Variants in HNRNPLL observed in about 807,000 individuals in gnomAD.
HNRNPLL encodes heterogeneous nuclear ribonucleoprotein L-like.
Under a neutral mutation model 67.1 loss-of-function variants are expected in HNRNPLL, and 25 were observed. That is an observed-to-expected ratio of 0.37 (90% confidence interval 0.27 to 0.52). The LOEUF (loss-of-function observed/expected upper bound fraction) is 0.52. Among genes scored for constraint, HNRNPLL ranks in the 20% least tolerant of loss-of-function variants. The probability of loss-of-function intolerance (pLI) is 0.90; values close to 1 mark genes in which losing one functional copy is unlikely to be tolerated. For missense variants in HNRNPLL, 542 were observed against 673.9 expected, an observed-to-expected ratio of 0.80 and a Z score of 2.17; for synonymous variants, 267 against 241.7, an observed-to-expected ratio of 1.10 and a Z score of -0.97.
chr2:38,587,943 C>G (rs1666798231), intron 2 of HNRNPLL, among the ~76,000 whole-genome samples: 1 of 152,046 alleles, frequency 6.6e-6, no homozygotes, highest in South Asian at 2.1e-4. Flanking sequence ...TGTGTGACAC[C>G]TGCCCCTTTG....
chr2:38,585,662 C>A lies in HNRNPLL; in HGVS notation c.528G>T (p.Pro176=), dbSNP rs746282454. 2 of 1,597,954 alleles carry A rather than the reference C, an allele frequency of 1.3e-6. No homozygotes were observed. Among genetic ancestry groups the A allele is most frequent in the South Asian group, 1.1e-5 (1 of 90,732 alleles). Residue 176 remains proline (P), a synonymous_variant, in exon 3 of 13, where the codon CCG becomes CCT. Coordinates refer to ENST00000449105, the MANE Select transcript of HNRNPLL (RefSeq NM_138394.4). The part of the protein sequence containing the change: ...NKVLLLSIQN[P]LYPITVDVLY... ...CACATACCACTGTAATTGGATAAAGCGGATTCTGAATTGAGAGCAGAAGAA... is the reference window on the plus strand; with the variant it reads ...CACATACCACTGTAATTGGATAAAGAGGATTCTGAATTGAGAGCAGAAGAA...
intron 6 of HNRNPLL, among the ~76,000 whole-genome samples, chr2:38,578,171 C>T (rs1207616920): frequency 6.6e-6 from 1 of 151,944 alleles, no homozygotes; most frequent in Non-Finnish European, 1.5e-5. Flanking sequence ...CTATGAGCAA[C>T]CCCAAACTTT....
At chr2:38,593,214 T>C (rs561837438) in intron 1 of HNRNPLL, among the ~76,000 whole-genome samples, 1 of 152,238 alleles carries the variant, frequency 6.6e-6, no homozygotes, top group Non-Finnish European at 1.5e-5. Context: ...ATTCTGACTA[T>C]ACCCTAAGTA....
intron 6 of HNRNPLL, among the ~76,000 whole-genome samples, chr2:38,580,072 G>C (rs921452219): frequency 6.6e-6 from 1 of 151,956 alleles, no homozygotes; most frequent in South Asian, 2.1e-4. Flanking sequence ...TAAAAGAATA[G>C]ATGTAAACAC....
chr2:38,574,727 C>G (rs1666233202), intron 7 of HNRNPLL, among the ~76,000 whole-genome samples: 2 of 151,816 alleles, frequency 1.3e-5, no homozygotes, highest in South Asian at 4.1e-4. Flanking sequence ...AATACTTTAT[C>G]AATGTATCAT....
intron 6 of HNRNPLL, 45 bp from the exon 7 acceptor site, chr2:38,577,577 T>C: frequency 8.4e-7 from 1 of 1,197,292 alleles, no homozygotes; most frequent in Non-Finnish European, 1.2e-6. Flanking sequence ...TTGACCCAAG[T>C]ACTTAATGGA....
chr2:38,598,820 T>G (rs1667312078), intron 1 of HNRNPLL, among the ~76,000 whole-genome samples: 1 of 152,230 alleles, frequency 6.6e-6, no homozygotes, highest in Non-Finnish European at 1.5e-5. Flanking sequence ...CTACTACTTT[T>G]CATTTCTTTC....
In HNRNPLL at chr2:38,573,916, T is replaced by C. The variant is rs544838828; in HGVS notation, c.875-489A>G. Among the ~76,000 whole-genome samples, 5 of 152,058 alleles carry C rather than the reference T, an allele frequency of 3.3e-5. No homozygotes were observed. The South Asian group carries it at 6.2e-4, about 19-fold the overall frequency. ...TTGTTTCCTTGAATATATTTTACTA[T>C]GTACTTTCAGGTTGGTATCTTATTC... On this transcript the variant is annotated intron_variant, in intron 7 of 12. Transcript: ENST00000449105.
At chr2:38,588,629 T>C (rs1666831949) in intron 2 of HNRNPLL, among the ~76,000 whole-genome samples, 1 of 149,796 alleles carries the variant, frequency 6.7e-6, no homozygotes, top group Admixed American at 6.6e-5. Context: ...TCAATGAAGA[T>C]AAAGAAAAAA....
At position 38,569,256 on chromosome 2, in the gene HNRNPLL, T is replaced by C; in HGVS notation, c.1293A>G (p.Ala431=). The change falls in exon 10 of 13, where the codon GCA becomes GCG. Residue 431 remains alanine, a synonymous_variant. Transcript: ENST00000449105. The part of the protein sequence containing the change: ...EDGTSSYKDF[A]MSKNNRFTSA... ...TTGTAAAGCGATTATTTTTGCTCAT[T>C]GCAAAATCTTTGTAGCTGCTGGTAC... 1.9e-6 allele frequency: 3 copies of C among 1,613,152 alleles called. No homozygotes were observed. Among genetic ancestry groups the C allele is most frequent in the Non-Finnish European group, 2.5e-6 (3 of 1,179,198 alleles).
chr2:38,589,940 T>A (rs768294055), intron 2 of HNRNPLL, among the ~76,000 whole-genome samples: 2 of 152,198 alleles, frequency 1.3e-5, no homozygotes, highest in Non-Finnish European at 2.9e-5. Flanking sequence ...ATATAATCAT[T>A]AGAAGGTCCT....
intron 8 of HNRNPLL, 70 bp downstream of exon 8, chr2:38,573,140 A>AT (rs1666157544): frequency 1.0e-5 from 10 of 992,044 alleles, no homozygotes; most frequent in Non-Finnish European, 1.5e-5. Flanking sequence ...GAGAAGACAC[A>AT]TATTTGCAGC....
intron 1 of HNRNPLL, among the ~76,000 whole-genome samples, chr2:38,595,567 G>A (rs1237692942): frequency 3.3e-5 from 5 of 152,118 alleles, no homozygotes; most frequent in Non-Finnish European, 4.4e-5. Context: ...AATGTGGGCC[G>A]GGCGCAGTGG....
intron 7 of HNRNPLL, among the ~76,000 whole-genome samples, chr2:38,574,389 T>C (rs1031535184): frequency 3.3e-5 from 5 of 151,830 alleles, no homozygotes; most frequent in Non-Finnish European, 5.9e-5. Context: ...TAGATGCTCC[T>C]AATAATAACA....
intron 1 of HNRNPLL, among the ~76,000 whole-genome samples, chr2:38,596,564 G>C (rs1007471117): frequency 6.6e-6 from 1 of 152,116 alleles, no homozygotes; most frequent in African/African-American, 2.4e-5. Flanking sequence ...CGCCTGTAGA[G>C]ATTATTTTAC....
chr2:38,575,363 T>C (rs1250710668), intron 7 of HNRNPLL, among the ~76,000 whole-genome samples: 1 of 151,888 alleles, frequency 6.6e-6, no homozygotes. Context: ...AAATGGTATA[T>C]TAACATCTTG....
Position 38,585,899 on chromosome 2 carries a change from G to T in HNRNPLL, c.309-18C>A, listed in dbSNP as rs749200844. 14 of 1,418,004 alleles carry T rather than the reference G, an allele frequency of 9.9e-6. No homozygotes were observed. Among genetic ancestry groups the T allele is most frequent in the Non-Finnish European group, 1.2e-5 (12 of 1,004,198 alleles). The allele number at this position is 1,418,004 out of a possible 1,614,324, so 87.8% of individuals were successfully genotyped here. On this transcript the variant is annotated intron_variant, in intron 2 of 12. Coordinates refer to ENST00000449105, the MANE Select transcript of HNRNPLL (RefSeq NM_138394.4). ...TCACATAGCTGAAAAGGGAGAAAAGGAGGAAACACACAAACACAGCAAGTT... is the reference window on the plus strand; with the variant it reads ...TCACATAGCTGAAAAGGGAGAAAAGTAGGAAACACACAAACACAGCAAGTT...
chr2:38,574,544 A>C (rs1666223581), intron 7 of HNRNPLL, among the ~76,000 whole-genome samples: 1 of 151,672 alleles, frequency 6.6e-6, no homozygotes, highest in African/African-American at 2.4e-5. Flanking sequence ...ACTGTCATCT[A>C]TCTACTAAGT....
rs11542254 is a variant in HNRNPLL at position 38,602,486 on chromosome 2, G to A, written c.141C>T (p.Pro47=). Residue 47 remains proline (P), a synonymous_variant, in exon 1 of 13, where the codon CCC becomes CCT. Transcript: ENST00000449105. ...EEGENRREAT[P]RGGGDGGGGG... ...CGCCGCCGCCATCGCCCCCGCCCCG[G>A]GGCGTCGCTTCCCGGCGGTTCTCGC... 6.5e-7 allele frequency: 1 copy of A among 1,544,720 alleles called. No individual in the cohort carries two copies. Among genetic ancestry groups the A allele is most frequent in the Non-Finnish European group, 8.7e-7 (1 of 1,147,898 alleles).
Sources: allele counts gnomAD v4.1 joint callset (sites outside exome capture counted in the v4.1 genomes callset), GRCh38; gene constraint gnomAD v4.1.1; transcripts MANE v1.5; gene names NCBI Gene and HGNC (gene_info 2026-07-23, HGNC 2026-07-21).